UTRN: variants seen among roughly 807,000 people sequenced by gnomAD.
The protein encoded by UTRN is dystrophin-related protein 1.
UTRN carries 283 observed loss-of-function variants against 463.9 expected under a neutral mutation model. The ratio of observed to expected loss-of-function variants is 0.61; its 90% confidence interval spans 0.55 to 0.67. The LOEUF (loss-of-function observed/expected upper bound fraction) is 0.67, where lower values mean the gene tolerates loss of function less well. Ranked by LOEUF, UTRN falls within the 30% of genes least tolerant of loss-of-function variation. The pLI is 0.00. For missense variants in UTRN, 3,922 were observed against 4,084.3 expected (o/e 0.96, Z 1.08); for synonymous variants, 1,442 against 1,431.5 (o/e 1.01, Z -0.17).
At chr6:144,349,170 G>A (rs1166461969) in intron 2 of UTRN, among the ~76,000 whole-genome samples, 2 of 152,112 alleles carry the variant, frequency 1.3e-5, no homozygotes, top group Non-Finnish European at 2.9e-5. Flanking sequence ...CATCACGCCC[G>A]GCTAATTTTT....
chr6:144,775,271 G>A (rs1161766637), intron 60 of UTRN, among the ~76,000 whole-genome samples: 2 of 152,134 alleles, frequency 1.3e-5, no homozygotes, highest in Admixed American at 1.3e-4. Flanking sequence ...GCTGCACGAA[G>A]AATTGAGGAA....
chr6:144,493,504 T>C, intron 33 of UTRN, 48 bp downstream of exon 33: 1 of 1,550,746 alleles, frequency 6.4e-7, no homozygotes, highest in Non-Finnish European at 8.8e-7. Context: ...TCTCTCTCTC[T>C]CTCTCAATCT....
At chr6:144,542,712 T>G in intron 45 of UTRN, 83 bp from the exon 46 acceptor site, 1 of 1,408,934 alleles carries the variant, frequency 7.1e-7, no homozygotes, top group African/African-American at 1.4e-5. Context: ...GAGCTGCCAT[T>G]CAGAATAACA....
Position 144,548,723 on chromosome 6 carries a change from A to T in UTRN, c.6679A>T (p.Ile2227Phe), listed in dbSNP as rs116515472. 3.1e-6 allele frequency: 5 copies of T among 1,614,042 alleles called. No homozygotes were observed. Among genetic ancestry groups the T allele is most frequent in the Non-Finnish European group, 4.2e-6 (5 of 1,179,952 alleles). The change falls in exon 47 of 75, where the codon ATT becomes TTT. Residue 2227 changes from isoleucine to phenylalanine, a missense_variant. Physicochemically the swap from Ile to Phe is conservative, Grantham distance 21. This residue lies in a region of UTRN where 2,349 missense variants were observed against 2,303.8 expected (regional missense o/e 1.02). Coordinates refer to ENST00000367545, the MANE Select transcript of UTRN (RefSeq NM_007124.3). ...VQSHRTSEIS[I>F]PADLDKTITE... ...GTCTCATCGTACTTCGGAAATTTCAATTCCTGCTGATCTTGATAAAACTAT... is the reference window on the plus strand; with the variant it reads ...GTCTCATCGTACTTCGGAAATTTCATTTCCTGCTGATCTTGATAAAACTAT...
Position 144,521,936 on chromosome 6 carries a change from G to GAT in UTRN, c.5542-25_5542-24dup, listed in dbSNP as rs371296883. The GAT allele has an allele frequency of 8.4e-3, 7,051 of 835,564 alleles. 13 individuals carry two copies. Among genetic ancestry groups the GAT allele is most frequent in the African/African-American group, 9.3e-3 (516 of 55,250 alleles). The allele number at this position is 835,564 out of a possible 1,614,324, so 51.8% of individuals were successfully genotyped here. ...TATTCATTGTGGGGGTATTTTAAGA[G>GAT]ATATATATATATATATATATTTTTT... On this transcript the variant is annotated intron_variant, in intron 39 of 74. Coordinates refer to ENST00000367545, the MANE Select transcript of UTRN (RefSeq NM_007124.3).
chr6:144,445,660 T>C (rs920006193), intron 14 of UTRN, among the ~76,000 whole-genome samples: 4 of 152,018 alleles, frequency 2.6e-5, no homozygotes, highest in African/African-American at 9.7e-5. Flanking sequence ...GTTACAAATA[T>C]TTACATTTCA....
chr6:144,630,145 G>T (rs938670924), intron 51 of UTRN, among the ~76,000 whole-genome samples: 1 of 152,054 alleles, frequency 6.6e-6, no homozygotes, highest in Non-Finnish European at 1.5e-5. Context: ...CCGAGATCTC[G>T]CCACTGCACT....
chr6:144,527,459 G>C (rs557435297), intron 41 of UTRN, among the ~76,000 whole-genome samples: 13 of 152,344 alleles, frequency 8.5e-5, no homozygotes, highest in African/African-American at 2.6e-4. Flanking sequence ...TACGTAACCT[G>C]ATGACCATGT....
chr6:144,746,559 C>T (rs1477310087), intron 54 of UTRN, among the ~76,000 whole-genome samples: 4 of 152,120 alleles, frequency 2.6e-5, no homozygotes, highest in Non-Finnish European at 4.4e-5. Context: ...TCACTGCAAC[C>T]TCCATCTCCT....
intron 51 of UTRN, among the ~76,000 whole-genome samples, chr6:144,675,580 T>C (rs1003138140): frequency 2.0e-5 from 3 of 152,202 alleles, no homozygotes; most frequent in African/African-American, 7.2e-5. Flanking sequence ...CTTGAGTTGG[T>C]TGGCCTCTAG....
Position 144,451,505 on chromosome 6 carries a change from A to G in UTRN, c.2196+12A>G, listed in dbSNP as rs1298443606. ...AAAAGAAGTTGAAGGTAAAAAACAT[A>G]AACCACATATATCCTAGTGCATAAA... On this transcript the variant is annotated intron_variant, in intron 18 of 74. Coordinates refer to ENST00000367545, the MANE Select transcript of UTRN (RefSeq NM_007124.3). 6.2e-7 allele frequency: 1 copy of G among 1,608,780 alleles called. No individual in the cohort carries two copies. Among genetic ancestry groups the G allele is most frequent in the Non-Finnish European group, 8.5e-7 (1 of 1,178,342 alleles).
At chr6:144,840,957 A>G in intron 73 of UTRN, 125 bp downstream of exon 73, 1 of 990,980 alleles carries the variant, frequency 1.0e-6, no homozygotes, top group Non-Finnish European at 1.5e-6. Flanking sequence ...ACTGAATATT[A>G]TTTGAAAATA....
rs112400780 is a variant in UTRN, at chr6:144,338,336, T to TA, written c.79+46439dup. ...ATTTCCTAGCTGGACACAAATGGGT[T>TA]AAAAAAAAAACCCGACATGCTCTTT... On this transcript the variant is annotated intron_variant, in intron 2 of 74. Coordinates refer to ENST00000367545, the MANE Select transcript of UTRN (RefSeq NM_007124.3). Among the ~76,000 whole-genome samples the TA allele has an allele frequency of 4.1e-3, 617 of 148,958 alleles. 21 individuals carry two copies. In the East Asian group the frequency reaches 0.091, roughly 22 times the overall value.
chr6:144,820,809 G>A, intron 65 of UTRN, 73 bp from the exon 66 acceptor site: 3 of 1,514,106 alleles, frequency 2.0e-6, no homozygotes, highest in South Asian at 1.3e-5. Flanking sequence ...ATTTACATCG[G>A]CTCTGATTTT....
At chr6:144,514,449 G>T (rs1250190968) in intron 36 of UTRN, among the ~76,000 whole-genome samples, 1 of 152,140 alleles carries the variant, frequency 6.6e-6, no homozygotes, top group Non-Finnish European at 1.5e-5. Flanking sequence ...TCTTACTTCT[G>T]TATTTTCCAA....
intron 51 of UTRN, among the ~76,000 whole-genome samples, chr6:144,622,491 G>T (rs1304981852): frequency 6.6e-6 from 1 of 151,682 alleles, no homozygotes; most frequent in East Asian, 1.9e-4. Flanking sequence ...CAGGCTGGAT[G>T]GTATCTTCTA....
At chr6:144,317,873 C>T (rs2114574822) in intron 2 of UTRN, among the ~76,000 whole-genome samples, 1 of 152,330 alleles carries the variant, frequency 6.6e-6, no homozygotes, top group Middle Eastern at 3.4e-3. Flanking sequence ...TAAATTTCTG[C>T]TCTCACAGTC....
chr6:144,384,330 A>G (rs1254723478), intron 2 of UTRN, among the ~76,000 whole-genome samples: 2 of 152,150 alleles, frequency 1.3e-5, no homozygotes, highest in Non-Finnish European at 2.9e-5. Flanking sequence ...TCAGATCAGC[A>G]GCGGCATTCG....
chr6:144,719,899 C>T (rs1786924299), intron 53 of UTRN, among the ~76,000 whole-genome samples: 3 of 152,156 alleles, frequency 2.0e-5, no homozygotes, highest in Admixed American at 6.5e-5. Flanking sequence ...GCTTGATACA[C>T]GGACAATTTG....
Sources: gnomAD v4.1 joint callset for allele counts (sites outside exome capture counted in the v4.1 genomes callset) on GRCh38, gnomAD v4.1.1 for gene constraint, gnomAD v4.1.1 regional missense constraint, MANE v1.5 for transcripts, NCBI Gene and HGNC (gene_info 2026-07-23, HGNC 2026-07-21) for gene names.